TENM2: variants seen among roughly 807,000 people sequenced by gnomAD.
TENM2 encodes the protein teneurin transmembrane protein 2, also known as teneurin-2.
TENM2 carries 52 observed loss-of-function variants against 245.2 expected under a neutral mutation model. The ratio of observed to expected loss-of-function variants is 0.21; its 90% CI spans 0.17 to 0.27. The LOEUF is 0.27. TENM2 is among the 10% of genes least tolerant of loss of function. The pLI is 1.00. For missense variants in TENM2, 3,046 were observed against 3,666.8 expected (o/e 0.83, Z 4.37); for synonymous variants, 1,363 against 1,438.9 (o/e 0.95, Z 1.19).
intron 2 of TENM2, among the ~76,000 whole-genome samples, chr5:167,516,856 A>G: frequency 6.6e-6 from 1 of 152,230 alleles, no homozygotes; most frequent in Non-Finnish European, 1.5e-5. Flanking sequence ...TGTTTGCTTT[A>G]CAATGGCCAC....
chr5:167,224,367 G>A, the TENM2 span, among the ~76,000 whole-genome samples: 15 of 151,960 alleles, frequency 9.9e-5, no homozygotes, highest in Admixed American at 8.5e-4. Context: ...ATTGCTGGAC[G>A]GGGTGAGAGA....
intron 1 of TENM2, among the ~76,000 whole-genome samples, chr5:167,371,152 C>T (rs1290914169): frequency 6.6e-6 from 1 of 152,034 alleles, no homozygotes; most frequent in East Asian, 1.9e-4. Flanking sequence ...TATGAGCAAA[C>T]TGAAGTAGGT....
chr5:167,159,607 TA>T, the TENM2 span, among the ~76,000 whole-genome samples: 2 of 152,202 alleles, frequency 1.3e-5, no homozygotes, highest in Non-Finnish European at 2.9e-5. Context: ...ATCTATCAGT[TA>T]AAAATTTTTA....
At chr5:167,838,968 T>C (rs573535959) in intron 2 of TENM2, among the ~76,000 whole-genome samples, 206 of 152,330 alleles carry the variant, frequency 1.4e-3, no homozygotes, top group African/African-American at 4.6e-3. Flanking sequence ...GGCTTGCTGC[T>C]TTCTAGTTTA....
chr5:168,166,612 T>A (rs1442887938), intron 13 of TENM2, among the ~76,000 whole-genome samples: 4 of 152,188 alleles, frequency 2.6e-5, no homozygotes, highest in Admixed American at 1.3e-4. Context: ...GGGAGGGCAG[T>A]GCAAGACTGA....
intron 2 of TENM2, among the ~76,000 whole-genome samples, chr5:167,474,561 T>C (rs1767245132): frequency 6.6e-6 from 1 of 151,332 alleles, no homozygotes; most frequent in Admixed American, 6.6e-5. Context: ...TCGCCCAGGC[T>C]GGAGTGCAGT....
intron 2 of TENM2, among the ~76,000 whole-genome samples, chr5:167,671,652 C>T (rs1755950473): frequency 6.6e-6 from 1 of 151,588 alleles, no homozygotes. Context: ...TTATAAATAT[C>T]CATTTATCAC....
chr5:167,547,083 C>A (rs1394729258), intron 2 of TENM2, among the ~76,000 whole-genome samples: 1 of 152,004 alleles, frequency 6.6e-6, no homozygotes, highest in African/African-American at 2.4e-5. Context: ...GAAGTGGAAT[C>A]TTATTATTAT....
chr5:167,341,467 C>G (rs984882426), intron 1 of TENM2, among the ~76,000 whole-genome samples: 8 of 151,770 alleles, frequency 5.3e-5, no homozygotes, highest in African/African-American at 1.9e-4. Flanking sequence ...TTTACAGCTT[C>G]TTTTTTTCTT....
chr5:167,842,209 T>C (rs892047163), intron 2 of TENM2, among the ~76,000 whole-genome samples: 3 of 151,890 alleles, frequency 2.0e-5, no homozygotes, highest in African/African-American at 7.3e-5. Flanking sequence ...GATAGTGGGA[T>C]GATATTGTTT....
chr5:167,863,191 C>A (rs541963773), intron 2 of TENM2, among the ~76,000 whole-genome samples: 2 of 152,198 alleles, frequency 1.3e-5, no homozygotes, highest in Non-Finnish European at 2.9e-5. Flanking sequence ...TCGTAAATTA[C>A]AAACCATGAC....
chr5:167,358,109 C>T (rs972229132), intron 1 of TENM2, among the ~76,000 whole-genome samples: 9 of 152,194 alleles, frequency 5.9e-5, no homozygotes, highest in African/African-American at 1.7e-4. Flanking sequence ...TGTTCTTTTC[C>T]CTGACTTACA....
At chr5:167,787,380 C>T (rs948717468) in intron 2 of TENM2, among the ~76,000 whole-genome samples, 1 of 152,122 alleles carries the variant, frequency 6.6e-6, no homozygotes, top group African/African-American at 2.4e-5. Context: ...CTGACTTAAC[C>T]TCAAAAAAAT....
chr5:167,661,798 T>G (rs1755225314), intron 2 of TENM2, among the ~76,000 whole-genome samples: 1 of 151,582 alleles, frequency 6.6e-6, no homozygotes, highest in Non-Finnish European at 1.5e-5. Flanking sequence ...CATGTTTGTC[T>G]GTCTCCCTCT....
the TENM2 span, among the ~76,000 whole-genome samples, chr5:167,130,505 G>A: frequency 2.6e-5 from 4 of 152,098 alleles, no homozygotes; most frequent in Admixed American, 1.3e-4. Context: ...TTCACTCAAC[G>A]TCCCACATGA....
chr5:167,833,632 CAA>C (rs1207748833), intron 2 of TENM2, among the ~76,000 whole-genome samples: 1 of 152,208 alleles, frequency 6.6e-6, no homozygotes, highest in Non-Finnish European at 1.5e-5. Flanking sequence ...ACATCTCTAA[CAA>C]AGAGAAAGGC....
chr5:167,493,133 GA>G (rs1768546980), intron 2 of TENM2, among the ~76,000 whole-genome samples: 1 of 151,952 alleles, frequency 6.6e-6, no homozygotes, highest in African/African-American at 2.4e-5. Context: ...ATTCATTCAA[GA>G]AACCTTTGGT....
the TENM2 span, among the ~76,000 whole-genome samples, chr5:166,989,698 G>T: frequency 6.6e-6 from 1 of 151,142 alleles, no homozygotes; most frequent in Admixed American, 6.6e-5. Flanking sequence ...GGCCTACCCC[G>T]CAAAAATATT....
At chr5:167,348,926 C>T (rs80111541) in intron 1 of TENM2, among the ~76,000 whole-genome samples, 1 of 152,138 alleles carries the variant, frequency 6.6e-6, no homozygotes, top group Admixed American at 6.6e-5. Flanking sequence ...GAGTTGACCC[C>T]GTTGTTGTTT....
Sources: allele counts gnomAD v4.1 joint callset (sites outside exome capture counted in the v4.1 genomes callset), GRCh38; gene constraint gnomAD v4.1.1; transcripts MANE v1.5; gene names NCBI Gene and HGNC (gene_info 2026-07-23, HGNC 2026-07-21).